The following PPP1R1C variants were observed in gnomAD, a reference collection of about 807,000 sequenced individuals.
PPP1R1C encodes protein phosphatase 1 regulatory subunit 1C.
PPP1R1C carries 15 observed loss-of-function variants against 17.4 expected under a neutral mutation model. That is an observed-to-expected ratio of 0.86 (90% confidence interval 0.58 to 1.33). PPP1R1C has a LOEUF of 1.33. Ranked by LOEUF, PPP1R1C falls within the 40% of genes most tolerant of loss-of-function variation. The pLI, the probability that PPP1R1C is intolerant of heterozygous loss-of-function variation, is 0.00. For synonymous variants in PPP1R1C, 35 were observed against 43.1 expected (o/e 0.81, Z 0.73); for missense variants, 143 against 130.0 (o/e 1.10, Z -0.48).
At chr2:182,068,856 A>G (rs996189023) in intron 4 of PPP1R1C, among the ~76,000 whole-genome samples, 4 of 152,224 alleles carry the variant, frequency 2.6e-5, no homozygotes, top group Non-Finnish European at 5.9e-5. Context: ...ACGCTTAGGC[A>G]ACATAGGTAA....
chr2:182,109,996 A>G (rs16822590), intron 4 of PPP1R1C, among the ~76,000 whole-genome samples: 4,585 of 152,318 alleles, frequency 0.03, 119 homozygotes, highest in African/African-American at 0.065. Context: ...AGGTGAACAT[A>G]AGACTAGCCT....
intron 5 of PPP1R1C, among the ~76,000 whole-genome samples, chr2:182,124,948 G>C (rs1243509214): frequency 6.6e-6 from 1 of 152,132 alleles, no homozygotes; most frequent in African/African-American, 2.4e-5. Context: ...GGAGTGGTGA[G>C]AGGGGGCATC....
At chr2:182,131,204 TG>T (rs1690000098), downstream of PPP1R1C, 6 of 75,136 alleles carry the variant, frequency 8.0e-5, no homozygotes, top group Admixed American at 9.4e-4. Context: ...TTGAGCAGTG[TG>T]TGTGTGTGTT....
chr2:182,108,361 T>G (rs772818053), intron 4 of PPP1R1C, among the ~76,000 whole-genome samples: 2 of 152,084 alleles, frequency 1.3e-5, no homozygotes, highest in Non-Finnish European at 2.9e-5. Flanking sequence ...TCCTGGACAG[T>G]CTTCTTTTTC....
chr2:182,005,614 T>G (rs1178195018), intron 2 of PPP1R1C, among the ~76,000 whole-genome samples: 1 of 152,244 alleles, frequency 6.6e-6, no homozygotes, highest in East Asian at 1.9e-4. Context: ...ACTAGGGGCA[T>G]CTGTTATATA....
At position 182,046,611 on chromosome 2, in the gene PPP1R1C, C is replaced by T. The variant is rs1807834; in HGVS notation, c.143-14831C>T. 3.4e-3 allele frequency among the ~76,000 whole-genome samples: 520 copies of T among 150,800 alleles called. 2 individuals carry two copies. Among genetic ancestry groups the T allele is most frequent in the African/African-American group, 0.012 (496 of 41,134 alleles). ...AAAAGTAGCCTGACGTGGTGGCATG[C>T]GCCTGTGATCCCAGCTACTCGGGAG... On this transcript the variant is annotated intron_variant, in intron 2 of 4. Coordinates refer to ENST00000682840, the MANE Select transcript of PPP1R1C (RefSeq NM_001080545.3).
At chr2:182,116,831 T>C (rs1689598350) in intron 4 of PPP1R1C, among the ~76,000 whole-genome samples, 1 of 152,184 alleles carries the variant, frequency 6.6e-6, no homozygotes, top group Non-Finnish European at 1.5e-5. Context: ...TTCCTAGGGG[T>C]TTCAATAGTT....
At chr2:182,099,519 G>C (rs762519383) in intron 4 of PPP1R1C, among the ~76,000 whole-genome samples, 3 of 152,078 alleles carry the variant, frequency 2.0e-5, no homozygotes, top group Non-Finnish European at 4.4e-5. Flanking sequence ...CATAATACAA[G>C]GATAATTTAG....
chr2:182,022,869 C>G (rs13003589), intron 2 of PPP1R1C, among the ~76,000 whole-genome samples: 97,369 of 152,002 alleles, frequency 0.64, 32,467 homozygotes, highest in Non-Finnish European at 0.75. Context: ...AATATCAGAG[C>G]CAAGACCAGT....
At chr2:181,990,573 A>G (rs568948609) in intron 2 of PPP1R1C, among the ~76,000 whole-genome samples, 13 of 152,364 alleles carry the variant, frequency 8.5e-5, no homozygotes, top group Non-Finnish European at 1.5e-4. Flanking sequence ...AACAAAGATT[A>G]GGTATCATTA....
chr2:182,098,104 G>T (rs1688996222), intron 4 of PPP1R1C, among the ~76,000 whole-genome samples: 1 of 151,736 alleles, frequency 6.6e-6, no homozygotes, highest in African/African-American at 2.4e-5. Context: ...CCATATCCTA[G>T]ATGACAATTG....
intron 1 of PPP1R1C, among the ~76,000 whole-genome samples, chr2:181,987,328 ATTTG>A (rs1284514103): frequency 6.6e-6 from 1 of 152,102 alleles, no homozygotes; most frequent in Non-Finnish European, 1.5e-5. Flanking sequence ...TTTATTCTTC[ATTTG>A]TTTATTTGTT....
At chr2:182,093,546 C>G (rs1010292289) in intron 4 of PPP1R1C, among the ~76,000 whole-genome samples, 2 of 152,170 alleles carry the variant, frequency 1.3e-5, no homozygotes, top group Non-Finnish European at 2.9e-5. Flanking sequence ...TATCAGACTG[C>G]AAATTTTCCA....
chr2:182,038,838 A>G (rs1687094618), intron 2 of PPP1R1C, among the ~76,000 whole-genome samples: 2 of 152,240 alleles, frequency 1.3e-5, no homozygotes, highest in African/African-American at 2.4e-5. Context: ...ATCAACTGCT[A>G]TAAGTAACAA....
intron 2 of PPP1R1C, among the ~76,000 whole-genome samples, chr2:181,989,051 C>G (rs556649221): frequency 1.3e-5 from 2 of 152,144 alleles, no homozygotes; most frequent in South Asian, 2.1e-4. Flanking sequence ...AAAATAAATA[C>G]AAGTATAAAG....
At chr2:182,124,691 CTGTT>C (rs1396476824) in intron 5 of PPP1R1C, among the ~76,000 whole-genome samples, 4 of 152,074 alleles carry the variant, frequency 2.6e-5, no homozygotes, top group Admixed American at 2.0e-4. Flanking sequence ...ATTTTGCTCT[CTGTT>C]TGTCTATTAT....
Position 181,957,335 on chromosome 2 carries a change from C to T in PPP1R1C, n.111+2701C>T, listed in dbSNP as rs114703459. Among the ~76,000 whole-genome samples the T allele has an allele frequency of 0.064, 9,730 of 152,056 alleles. 375 individuals are homozygous for T. Among genetic ancestry groups the T allele is most frequent in the Admixed American group, 0.11 (1,668 of 15,264 alleles). On this transcript the variant is annotated intron_variant and non_coding_transcript_variant, in intron 1 of 5. Coordinates refer to the PPP1R1C transcript ENST00000464264. The surrounding 1 kb of genome is among the most constrained non-coding windows in gnomAD (Gnocchi z 4.2). Reference sequence around the variant, plus strand: ...TAGCGCCACTGCACTTCAACCTGGGCGACAGAGTGAGACTCTGTCTTAAAA... The same window carrying T: ...TAGCGCCACTGCACTTCAACCTGGGTGACAGAGTGAGACTCTGTCTTAAAA...
chr2:182,067,281 T>C (rs1688010958), intron 4 of PPP1R1C, among the ~76,000 whole-genome samples: 1 of 152,148 alleles, frequency 6.6e-6, no homozygotes, highest in Non-Finnish European at 1.5e-5. Context: ...AATACCTTTG[T>C]ATGCTTACAG....
At position 181,956,671 on chromosome 2, in the gene PPP1R1C, T is replaced by A. The variant is rs1483392161; in HGVS notation, n.111+2037T>A. Among the ~76,000 whole-genome samples the A allele has an allele frequency of 2.0e-5, 3 of 152,236 alleles. No individual in the cohort carries two copies. The East Asian group carries it at 5.8e-4, about 29-fold the overall frequency. On this transcript the variant is annotated intron_variant and non_coding_transcript_variant, in intron 1 of 5. Transcript: ENST00000464264. ...GTGATCATGAGCATTTTTTCATGTT[T>A]TTTTGGCCACATAAATGTCTTCTTT...
Sources: gnomAD v4.1 joint callset for allele counts (sites outside exome capture counted in the v4.1 genomes callset) on GRCh38, gnomAD v4.1.1 for gene constraint, Gnocchi (gnomAD v3.1) non-coding constraint, MANE v1.5 for transcripts, NCBI Gene and HGNC (gene_info 2026-07-23, HGNC 2026-07-21) for gene names.